The following ELAVL4 variants were observed in gnomAD, a reference collection of about 807,000 sequenced individuals.
ELAVL4 encodes ELAV-like protein 4.
Under a neutral mutation model 35.6 loss-of-function variants are expected in ELAVL4, and 1 was observed. That is an observed-to-expected ratio of 0.03 (90% CI 0.01 to 0.13). The LOEUF (loss-of-function observed/expected upper bound fraction) is 0.13. Ranked by LOEUF, ELAVL4 falls within the 10% of genes least tolerant of loss-of-function variation. The pLI is 1.00. For synonymous variants in ELAVL4, 156 were observed against 171.0 expected, an observed-to-expected ratio of 0.91 and a Z score of 0.69; for missense variants, 267 against 464.9, an observed-to-expected ratio of 0.57 and a Z score of 3.91.
intron 6 of ELAVL4, among the ~76,000 whole-genome samples, chr1:50,199,734 G>A (rs76939310): frequency 1.2e-4 from 17 of 147,046 alleles, no homozygotes; most frequent in East Asian, 8.0e-4. Context: ...AAGAAAGAAA[G>A]AAAAAAAAAG....
At chr1:50,122,464 G>A (rs1288916081) in intron 1 of ELAVL4, among the ~76,000 whole-genome samples, 1 of 152,048 alleles carries the variant, frequency 6.6e-6, no homozygotes, top group Non-Finnish European at 1.5e-5. Flanking sequence ...TCTCCTCTAG[G>A]GATTAGGGAA....
At chr1:50,186,535 G>T (rs1681851774) in intron 3 of ELAVL4, among the ~76,000 whole-genome samples, 1 of 152,168 alleles carries the variant, frequency 6.6e-6, no homozygotes, top group Admixed American at 6.5e-5. Context: ...TTTGTGCCTG[G>T]GACTCGTGGA....
chr1:50,095,941 T>G (rs1161024859), intron 1 of ELAVL4, among the ~76,000 whole-genome samples: 1 of 152,182 alleles, frequency 6.6e-6, no homozygotes, highest in Non-Finnish European at 1.5e-5. Flanking sequence ...CTGATTTTAG[T>G]CACTTGAACA....
intron 1 of ELAVL4, chr1:50,109,827 G>T (rs1666754879): frequency 7.2e-7 from 1 of 1,396,980 alleles, no homozygotes; most frequent in Non-Finnish European, 1.0e-6. Context: ...GGCGTGTTGA[G>T]TTGTTGCTTC....
chr1:50,197,164 A>AAT (rs201181947), intron 5 of ELAVL4, among the ~76,000 whole-genome samples: 3,179 of 152,268 alleles, frequency 0.021, 110 homozygotes, highest in African/African-American at 0.071. Flanking sequence ...ATGTTCTGAG[A>AAT]GGTGGGGGGA....
intron 3 of ELAVL4, among the ~76,000 whole-genome samples, chr1:50,192,585 T>C (rs1156503882): frequency 6.7e-6 from 1 of 148,534 alleles, no homozygotes; most frequent in Non-Finnish European, 1.5e-5. Flanking sequence ...ACAGTCTTAA[T>C]AGGTCTTATG....
At chr1:50,074,762 G>C (rs772356156) in intron 1 of ELAVL4, among the ~76,000 whole-genome samples, 8 of 152,270 alleles carry the variant, frequency 5.3e-5, no homozygotes, top group African/African-American at 9.6e-5. Flanking sequence ...GGGGACAGTG[G>C]ATCAGTCTGG....
intron 3 of ELAVL4, chr1:50,181,197 C>T (rs1176187818): frequency 6.6e-6 from 1 of 152,224 alleles, no homozygotes; most frequent in African/African-American, 2.4e-5. Flanking sequence ...GCTTGCTCAG[C>T]AACACGTGCA....
chr1:50,093,230 G>T (rs1245233219), intron 1 of ELAVL4, among the ~76,000 whole-genome samples: 1 of 152,202 alleles, frequency 6.6e-6, no homozygotes, highest in Non-Finnish European at 1.5e-5. Flanking sequence ...TAAATGTACT[G>T]CCAGAGAGTG....
At chr1:50,142,532 C>T (rs1441900809) in intron 1 of ELAVL4, among the ~76,000 whole-genome samples, 1 of 152,122 alleles carries the variant, frequency 6.6e-6, no homozygotes, top group Admixed American at 6.6e-5. Flanking sequence ...CACCTGTTGT[C>T]TTGACTCAAA....
chr1:50,144,111 A>G (rs979881248), intron 1 of ELAVL4, among the ~76,000 whole-genome samples: 1 of 152,134 alleles, frequency 6.6e-6, no homozygotes, highest in East Asian at 1.9e-4. Flanking sequence ...TGTGTCCTCT[A>G]TAGACTATAA....
Position 50,201,272 on chromosome 1 carries a change from A to C in ELAVL4, c.*94A>C. On this transcript the variant is annotated 3_prime_UTR_variant, in exon 7 of 7. Coordinates refer to ENST00000371824, the MANE Select transcript of ELAVL4 (RefSeq NM_001144774.3). This position sits in a 1 kb window ranked among gnomAD's most constrained non-coding sequence, Gnocchi z 4.3. ...ACACATACACGAAAGAGAGAGAAAC[A>C]AACTTTTCAAGGCTTATATTCAACC... 1 of 1,385,184 alleles carries C rather than the reference A, an allele frequency of 7.2e-7. No homozygotes were observed. The allele number at this position is 1,385,184 out of a possible 1,614,324, so 85.8% of individuals were successfully genotyped here.
At chr1:50,078,678 G>C (rs907316484) in intron 1 of ELAVL4, among the ~76,000 whole-genome samples, 2 of 152,132 alleles carry the variant, frequency 1.3e-5, no homozygotes, top group Non-Finnish European at 2.9e-5. Context: ...CCCCTTTGAG[G>C]ATACGATCTC....
At chr1:50,145,337 CA>C in intron 2 of ELAVL4, 140 bp downstream of exon 2, 1 of 1,271,936 alleles carries the variant, frequency 7.9e-7, no homozygotes, top group South Asian at 1.4e-5. Flanking sequence ...CATAAACTCA[CA>C]CTACATACAC....
intron 1 of ELAVL4, among the ~76,000 whole-genome samples, chr1:50,118,697 G>T (rs919530427): frequency 6.6e-5 from 10 of 151,894 alleles, no homozygotes; most frequent in Non-Finnish European, 1.2e-4. Context: ...TGTTCTAAAT[G>T]GGGACCTGTT....
intron 1 of ELAVL4, 38 bp from the exon 2 acceptor site, chr1:50,144,919 T>A: frequency 1.9e-6 from 3 of 1,591,734 alleles, no homozygotes; most frequent in Non-Finnish European, 2.6e-6. Flanking sequence ...TGTCTGAGAT[T>A]TCAAAAGGCT....
intron 1 of ELAVL4, among the ~76,000 whole-genome samples, chr1:50,124,665 C>A (rs893171298): frequency 3.9e-5 from 6 of 152,068 alleles, no homozygotes; most frequent in African/African-American, 1.4e-4. Flanking sequence ...CTCTGTCACC[C>A]AGACTGCAGT....
chr1:50,165,225 C>G (rs1677535071), intron 2 of ELAVL4, among the ~76,000 whole-genome samples: 10 of 152,126 alleles, frequency 6.6e-5, no homozygotes. Context: ...ACATGCCAAG[C>G]ACGTTCCTGC....
chr1:50,083,787 GA>G (rs1005666760), intron 1 of ELAVL4, among the ~76,000 whole-genome samples: 3 of 152,178 alleles, frequency 2.0e-5, no homozygotes, highest in African/African-American at 7.2e-5. Context: ...AGTTTCTGAA[GA>G]TTGTTTTAGG....
Sources: allele counts gnomAD v4.1 joint callset (sites outside exome capture counted in the v4.1 genomes callset), GRCh38; gene constraint gnomAD v4.1.1; non-coding constraint Gnocchi (gnomAD v3.1); transcripts MANE v1.5; gene names NCBI Gene and HGNC (gene_info 2026-07-23, HGNC 2026-07-21).